SYNE2: variants seen among roughly 807,000 people sequenced by gnomAD.
SYNE2 encodes nesprin-2.
A neutral mutation model predicts 856.3 loss-of-function variants in SYNE2; 431 were observed. The observed-to-expected ratio is 0.50, with a 90% CI of 0.47 to 0.55. The LOEUF is 0.55. Among genes scored for constraint, SYNE2 ranks in the 20% least tolerant of loss-of-function variants. SYNE2 has a pLI of 0.00. For synonymous variants in SYNE2, 2,923 were observed against 2,872.3 expected, an observed-to-expected ratio of 1.02 and a Z score of -0.56; for missense variants, 8,129 against 8,023.2, an observed-to-expected ratio of 1.01 and a Z score of -0.50.
At chr14:63,941,659 A>G in intron 3 of SYNE2, 36 bp from the exon 4 acceptor site, 1 of 1,572,724 alleles carries the variant, frequency 6.4e-7, no homozygotes, top group Admixed American at 1.7e-5. Flanking sequence ...TTTGGACCAA[A>G]GTTTGAATGA....
In SYNE2 at chr14:64,225,314, G is replaced by A; in HGVS notation, c.20517-5G>A. On this transcript the variant is annotated splice_polypyrimidine_tract_variant and splice_region_variant and intron_variant, in intron 115 of 115. Transcript: ENST00000555002. ...CAATCAGCTCTCAACCTCCTCTGTT[G>A]GCAGGGTCCCCGGCAGCACACGGCC... 1 of 1,614,090 alleles carries A rather than the reference G, an allele frequency of 6.2e-7. No individual in the cohort carries two copies. The highest frequency in any genetic ancestry group is 8.5e-7 in the Non-Finnish European group (1 of 1,180,024).
At chr14:63,996,807 A>G (rs1186974104) in intron 23 of SYNE2, 140 bp from the exon 24 acceptor site, 1 of 788,104 alleles carries the variant, frequency 1.3e-6, no homozygotes, top group Non-Finnish European at 2.1e-6. Flanking sequence ...TTTTTTCTCT[A>G]GCGCCTATTG....
intron 1 of SYNE2, among the ~76,000 whole-genome samples, chr14:63,832,194 A>G (rs1421102534): frequency 6.6e-6 from 1 of 152,004 alleles, no homozygotes; most frequent in Non-Finnish European, 1.5e-5. Context: ...AACTAAGGCA[A>G]TGAGAAGCAG....
intron 78 of SYNE2, 134 bp from the exon 79 acceptor site, chr14:64,137,653 A>G (rs111785091): frequency 2.2e-6 from 2 of 901,050 alleles, no homozygotes; most frequent in Non-Finnish European, 3.5e-6. Flanking sequence ...GTCAGACTAT[A>G]TAGTCTTGAA....
intron 1 of SYNE2, among the ~76,000 whole-genome samples, chr14:63,886,565 A>G (rs1214392944): frequency 6.6e-6 from 1 of 152,182 alleles, no homozygotes; most frequent in Non-Finnish European, 1.5e-5. Flanking sequence ...ATGTATATCA[A>G]TTTTATATTT....
At position 64,145,830 on chromosome 14, in the gene SYNE2, C is replaced by T. The variant is rs535699835; in HGVS notation, c.15484-238C>T. 9.2e-5 allele frequency among the ~76,000 whole-genome samples: 14 copies of T among 152,288 alleles called. No individual in the cohort carries two copies. In the East Asian group the frequency reaches 2.1e-3, roughly 23 times the overall value. On this transcript the variant is annotated intron_variant, in intron 83 of 115. Coordinates refer to ENST00000555002, the MANE Select transcript of SYNE2 (RefSeq NM_182914.3). ...TTTGTATACATCTGAAACTCCACAA[C>T]AGCTACCTTTCTCAGCAGATTAGCT...
chr14:63,872,612 C>T (rs112708465), intron 1 of SYNE2, among the ~76,000 whole-genome samples: 2 of 151,216 alleles, frequency 1.3e-5, no homozygotes, highest in African/African-American at 2.4e-5. Flanking sequence ...AAAAATTAGC[C>T]GCACGTGGTG....
At chr14:63,922,748 C>G (rs2095615844) in intron 2 of SYNE2, among the ~76,000 whole-genome samples, 1 of 152,196 alleles carries the variant, frequency 6.6e-6, no homozygotes, top group East Asian at 1.9e-4. Context: ...GTAAGTCATA[C>G]ATGTAAATTG....
rs776250915 is a variant in SYNE2 at position 64,017,808 on chromosome 14, T to G, written c.5049+52T>G. 3 of 1,571,508 alleles carry G rather than the reference T, an allele frequency of 1.9e-6. No homozygotes were observed. In the African/African-American group the frequency reaches 4.1e-5, roughly 21 times the overall value. ...TTTCTTGGTACACAATTGACATTTTTTATTTTTTATGAATATAGTCAACAA... is the reference window on the plus strand; with the variant it reads ...TTTCTTGGTACACAATTGACATTTTGTATTTTTTATGAATATAGTCAACAA... On this transcript the variant is annotated intron_variant, in intron 34 of 115. Coordinates refer to ENST00000555002, the MANE Select transcript of SYNE2 (RefSeq NM_182914.3).
chr14:63,838,418 T>C (rs989600052), intron 1 of SYNE2, among the ~76,000 whole-genome samples: 8 of 152,216 alleles, frequency 5.3e-5, no homozygotes, highest in African/African-American at 1.7e-4. Context: ...TTGTGCATTT[T>C]ATTATAAGTA....
chr14:63,891,932 C>T (rs755715303), intron 1 of SYNE2, among the ~76,000 whole-genome samples: 3 of 152,096 alleles, frequency 2.0e-5, no homozygotes, highest in Non-Finnish European at 4.4e-5. Context: ...AAATTAATTT[C>T]TGCATGTGAA....
chr14:63,948,988 G>A (rs573835494), intron 6 of SYNE2, among the ~76,000 whole-genome samples: 5 of 151,506 alleles, frequency 3.3e-5, no homozygotes, highest in East Asian at 3.9e-4. Context: ...TGTTCTGTAC[G>A]CTCGTGAAAG....
At chr14:64,065,717 C>G in intron 51 of SYNE2, 67 bp downstream of exon 51, 1 of 1,555,614 alleles carries the variant, frequency 6.4e-7, no homozygotes, top group South Asian at 1.2e-5. Context: ...TTATTACTTT[C>G]ACCTTGTTTT....
chr14:64,029,915 C>T lies in SYNE2; in HGVS notation c.6735C>T (p.Asp2245=), dbSNP rs552463090. ...QQLQDSVQNL[D]GHVREHDSYQ... is the part of the protein sequence containing the mutation. ...TTTAGGATTCTGTGCAAAACTTGGA[C>T]GGTCACGTTCGAGAACATGATTCAT... The change falls in exon 44 of 116, where the codon GAC becomes GAT. Residue 2245 remains aspartate, a synonymous_variant. Coordinates refer to ENST00000555002, the MANE Select transcript of SYNE2 (RefSeq NM_182914.3). 8 of 1,613,738 alleles carry T rather than the reference C, an allele frequency of 5.0e-6. No individual in the cohort carries two copies. Among genetic ancestry groups the T allele is most frequent in the African/African-American group, 2.7e-5 (2 of 74,982 alleles).
At chr14:63,761,776 G>T (rs1886490794), upstream of SYNE2, among the ~76,000 whole-genome samples, 1 of 152,184 alleles carries the variant, frequency 6.6e-6, no homozygotes, top group Non-Finnish European at 1.5e-5. Context: ...ATGCCAAGGT[G>T]TTGTATTTTG....
At chr14:64,009,276 A>G (rs545769715) in intron 31 of SYNE2, among the ~76,000 whole-genome samples, 1 of 152,174 alleles carries the variant, frequency 6.6e-6, no homozygotes, top group Admixed American at 6.5e-5. Context: ...TCACACCTAT[A>G]TATAATCCCA....
At chr14:63,809,225 A>T (rs1449111659) in intron 1 of SYNE2, among the ~76,000 whole-genome samples, 2 of 144,980 alleles carry the variant, frequency 1.4e-5, no homozygotes, top group African/African-American at 5.0e-5. Context: ...TTCTACGTTT[A>T]AAAAAAAAAA....
At position 63,892,683 on chromosome 14, in the gene SYNE2, T is replaced by C. The variant is rs536464037; in HGVS notation, c.-51-16415T>C. Among the ~76,000 whole-genome samples the C allele has an allele frequency of 1.4e-4, 21 of 152,068 alleles. 1 individual carries two copies. In the South Asian group the frequency reaches 3.5e-3, roughly 26 times the overall value. On this transcript the variant is annotated intron_variant, in intron 1 of 115. Coordinates refer to ENST00000555002, the MANE Select transcript of SYNE2 (RefSeq NM_182914.3). ...TAAAAATTATTTTTAGTATTATTTC[T>C]GTTTTTATTTGTGTGTGTGTAAAAA... is the stretch of plus-strand genomic sequence containing the variant.
chr14:63,847,571 A>G (rs1245908560), intron 1 of SYNE2, among the ~76,000 whole-genome samples: 1 of 152,112 alleles, frequency 6.6e-6, no homozygotes, highest in East Asian at 1.9e-4. Flanking sequence ...GCTTGGGAAG[A>G]AAGTATGTTC....
Sources: gnomAD v4.1 joint callset for allele counts (sites outside exome capture counted in the v4.1 genomes callset) on GRCh38, gnomAD v4.1.1 for gene constraint, MANE v1.5 for transcripts, NCBI Gene and HGNC (gene_info 2026-07-23, HGNC 2026-07-21) for gene names.